The following FUNDC2 variants were observed in gnomAD, a reference collection of about 807,000 sequenced individuals.
FUNDC2 encodes the protein FUN14 domain containing 2.
FUNDC2 carries 4 observed loss-of-function variants against 15.6 expected under a neutral mutation model. The ratio of observed to expected loss-of-function variants is 0.26; its 90% CI spans 0.13 to 0.59. The LOEUF (loss-of-function observed/expected upper bound fraction) is 0.59. Among genes scored for constraint, FUNDC2 ranks in the 20% least tolerant of loss-of-function variants. The pLI is 0.90. For missense variants in FUNDC2, 98 were observed against 149.7 expected, an observed-to-expected ratio of 0.65 and a Z score of 1.80; for synonymous variants, 44 against 56.9, an observed-to-expected ratio of 0.77 and a Z score of 1.02.
At chrX:155,028,544 T>G (rs2073803866) in intron 1 of FUNDC2, among the ~76,000 whole-genome samples, 1 of 112,424 alleles carries the variant, frequency 8.9e-6, no homozygotes, top group African/African-American at 3.2e-5. Context: ...GACATCCATA[T>G]TTTGTTCTGC....
At position 155,059,380 on chromosome X, in the gene FUNDC2, G is replaced by C. The variant is rs2073919380; in HGVS notation, c.*4708G>C. On this transcript the variant is annotated 3_prime_UTR_variant, in exon 5 of 5. Transcript: ENST00000369498. Reference sequence around the variant, plus strand: ...GGGAAAACTACCTTTCTAGCTAAAAGGTCTGTCAGTCACTAACCAAGTGAT... The same window carrying C: ...GGGAAAACTACCTTTCTAGCTAAAACGTCTGTCAGTCACTAACCAAGTGAT... The C allele has an allele frequency of 9.0e-6, 1 of 111,171 alleles. No homozygotes were observed. Among genetic ancestry groups the C allele is most frequent in the Admixed American group, 9.5e-5 (1 of 10,508 alleles). 9.2% of individuals were successfully genotyped at this position (111,171 alleles called of 1,213,427 possible).
At chrX:155,053,638 G>T (rs1557290638) in intron 4 of FUNDC2, among the ~76,000 whole-genome samples, 1 of 111,099 alleles carries the variant, frequency 9.0e-6, no homozygotes, top group East Asian at 2.8e-4. Flanking sequence ...GTTGGAGTAA[G>T]GGCTTACTGG....
At chrX:155,032,564 AC>A (rs2073819269) in intron 1 of FUNDC2, among the ~76,000 whole-genome samples, 2 of 111,167 alleles carry the variant, frequency 1.8e-5, no homozygotes, top group Admixed American at 1.9e-4. Context: ...GGTGTGAGCC[AC>A]CATGCCTGGC....
chrX:155,049,151 C>A (rs1393249735), intron 3 of FUNDC2: 1 of 112,695 alleles, frequency 8.9e-6, no homozygotes, highest in Non-Finnish European at 1.9e-5. Context: ...TATTCGGCTC[C>A]CTCTACTTGT....
intron 3 of FUNDC2, among the ~76,000 whole-genome samples, chrX:155,047,732 CT>C (rs782382583): frequency 9.0e-6 from 1 of 110,747 alleles, no homozygotes; most frequent in Non-Finnish European, 1.9e-5. Flanking sequence ...TATTTCCCCC[CT>C]GTCCATAGTC....
chrX:155,054,018 G>A (rs1007591231), intron 4 of FUNDC2: 1 of 750,582 alleles, frequency 1.3e-6, no homozygotes, highest in Admixed American at 8.9e-5. Context: ...GGAAGCTTTG[G>A]GAACTTAAGG....
Position 155,057,297 on chromosome X carries a change from A to G in FUNDC2, c.*2625A>G, listed in dbSNP as rs2073909651. On this transcript the variant is annotated 3_prime_UTR_variant, in exon 5 of 5. Transcript: ENST00000369498. ...CCAAAAGAACAGCTGCCACTCCTCC[A>G]TGCAAAACCGAGATGATTCAAGGAC... 8.9e-6 allele frequency: 1 copy of G among 111,772 alleles called. No homozygotes were observed. Among genetic ancestry groups the G allele is most frequent in the Non-Finnish European group, 1.9e-5 (1 of 53,064 alleles). The allele number at this position is 111,772 out of a possible 1,213,427, so 9.2% of individuals were successfully genotyped here. A position where few individuals can be genotyped will look rare whatever the true frequency, so the allele number is the denominator to read the frequency against.
rs1038616026 is a variant in FUNDC2 at position 155,057,606 on chromosome X, G to C, written c.*2934G>C. On this transcript the variant is annotated 3_prime_UTR_variant, in exon 5 of 5. Coordinates refer to ENST00000369498, the MANE Select transcript of FUNDC2 (RefSeq NM_023934.4). ...CAACCAATAGGATGGCATCTACGTA[G>C]TGAAGGCTTCCCTTCCCTTGTCCTG... The C allele has an allele frequency of 6.3e-5, 7 of 111,959 alleles. No homozygotes were observed. The South Asian group carries it at 1.1e-3, about 18-fold the overall frequency. The allele number at this position is 111,959 out of a possible 1,213,427, so 9.2% of individuals were successfully genotyped here.
At chrX:155,033,045 C>A (rs1327455730) in intron 1 of FUNDC2, 1 of 121,639 alleles carries the variant, frequency 8.2e-6, no homozygotes, top group Non-Finnish European at 1.7e-5. Flanking sequence ...TGGGGTTTTG[C>A]CATTTTGGCC....
At chrX:155,052,213 G>A (rs1557290555) in intron 4 of FUNDC2, among the ~76,000 whole-genome samples, 2 of 110,629 alleles carry the variant, frequency 1.8e-5, no homozygotes, top group African/African-American at 3.3e-5. Flanking sequence ...CATCAAAATA[G>A]CCATAGATGA....
At chrX:155,032,763 A>C (rs1276262397) in intron 1 of FUNDC2, among the ~76,000 whole-genome samples, 1 of 112,196 alleles carries the variant, frequency 8.9e-6, no homozygotes, top group African/African-American at 3.2e-5. Context: ...TGGATTACTG[A>C]ATAGCATTGA....
chrX:155,037,060 C>T (rs1236054438), intron 2 of FUNDC2, among the ~76,000 whole-genome samples: 2 of 111,531 alleles, frequency 1.8e-5, no homozygotes, highest in Admixed American at 9.5e-5. Context: ...ATTGGTGTAT[C>T]TCTCCAATTT....
rs10218064 is a variant in FUNDC2, at chrX:155,054,486, C to T, written c.493-109C>T. The T allele has an allele frequency of 1.4e-3, 1,617 of 1,157,717 alleles. 14 individuals carry two copies. The African/African-American group carries it at 0.026, about 18-fold the overall frequency. ...TTGGGTAAAGTGCAAATTACGTAAC[C>T]GATGAGGGGATTGACATTGTTAAGA... On this transcript the variant is annotated intron_variant, in intron 4 of 4. Transcript: ENST00000369498.
chrX:155,028,266 T>A (rs1557288478), intron 1 of FUNDC2, among the ~76,000 whole-genome samples: 1 of 111,614 alleles, frequency 9.0e-6, no homozygotes, highest in Non-Finnish European at 1.9e-5. Flanking sequence ...GACTTTTGTC[T>A]GTCATAGTGC....
rs2073795983 is a variant in FUNDC2 at position 155,027,175 on chromosome X, G to T, written c.133+104G>T. 49 of 889,494 alleles carry T rather than the reference G, an allele frequency of 5.5e-5. No individual in the cohort carries two copies. In the South Asian group the frequency reaches 1.6e-3, roughly 29 times the overall value. The allele number at this position is 889,494 out of a possible 1,213,427, so 73.3% of individuals were successfully genotyped here. A position where few individuals can be genotyped will look rare whatever the true frequency, so the allele number is the denominator to read the frequency against. On this transcript the variant is annotated intron_variant, in intron 1 of 4. Coordinates refer to ENST00000369498, the MANE Select transcript of FUNDC2 (RefSeq NM_023934.4). Reference sequence around the variant, plus strand: ...GCCAGTCGCGACCGAGCTCCCCGGGGAGTCCAAGCGGCGCGGGGACGGGGA... The same window carrying T: ...GCCAGTCGCGACCGAGCTCCCCGGGTAGTCCAAGCGGCGCGGGGACGGGGA...
chrX:155,054,523 A>G, intron 4 of FUNDC2, 72 bp from the exon 5 acceptor site: 2 of 1,200,493 alleles, frequency 1.7e-6, no homozygotes, highest in Admixed American at 4.4e-5. Flanking sequence ...TGGCATAGGT[A>G]TAATAGAGAT....
chrX:155,057,545 G>T lies in FUNDC2; in HGVS notation c.*2873G>T, dbSNP rs782088429. The T allele has an allele frequency of 9.0e-6, 1 of 111,494 alleles. No homozygotes were observed. Among genetic ancestry groups the T allele is most frequent in the East Asian group, 2.8e-4 (1 of 3,537 alleles). The allele number at this position is 111,494 out of a possible 1,213,427, so 9.2% of individuals were successfully genotyped here. On this transcript the variant is annotated 3_prime_UTR_variant, in exon 5 of 5. Transcript: ENST00000369498. ...GGTTTCATCGCCCCCTTGTGGCGGC[G>T]ACGTGGTAACACCGCACTCAAGGCT...
rs782025231 is a variant in FUNDC2, at chrX:155,057,453, G to C, written c.*2781G>C. 1 of 111,752 alleles carries C rather than the reference G, an allele frequency of 8.9e-6. No homozygotes were observed. Among genetic ancestry groups the C allele is most frequent in the East Asian group, 2.8e-4 (1 of 3,523 alleles). 9.2% of individuals were successfully genotyped at this position (111,752 alleles called of 1,213,427 possible). A position where few individuals can be genotyped will look rare whatever the true frequency, so the allele number is the denominator to read the frequency against. On this transcript the variant is annotated 3_prime_UTR_variant, in exon 5 of 5. Transcript: ENST00000369498. ...CCTAATTAGTGGTGGTGGGGCGGAAGTTTTTCCTTGGGAAGAGCGTTGTCG... is the reference window on the plus strand; with the variant it reads ...CCTAATTAGTGGTGGTGGGGCGGAACTTTTTCCTTGGGAAGAGCGTTGTCG...
rs150155080 is a variant in FUNDC2, at chrX:155,054,189, C to T, written c.493-406C>T. ...AGAAGCCTCTATTGGAGGGTAGATG[C>T]CAAAGAGGATGGAAGGAGCAAAATT... On this transcript the variant is annotated intron_variant, in intron 4 of 4. Transcript: ENST00000369498. The T allele has an allele frequency of 4.1e-4, 310 of 751,366 alleles. 5 individuals are homozygous for T. The East Asian group carries it at 0.032, about 77-fold the overall frequency. The allele number at this position is 751,366 out of a possible 1,213,427, so 61.9% of individuals were successfully genotyped here. A position where few individuals can be genotyped will look rare whatever the true frequency, so the allele number is the denominator to read the frequency against.
Sources: allele counts gnomAD v4.1 joint callset (sites outside exome capture counted in the v4.1 genomes callset), GRCh38; gene constraint gnomAD v4.1.1; transcripts MANE v1.5; gene names NCBI Gene and HGNC (gene_info 2026-07-23, HGNC 2026-07-21).